MARCHF6: variants seen among roughly 807,000 people sequenced by gnomAD.
MARCHF6 encodes E3 ubiquitin-protein ligase MARCHF6.
In MARCHF6, 31 loss-of-function variants were observed where a neutral mutation model predicts 133.7. The ratio of observed to expected loss-of-function variants is 0.23; its 90% CI spans 0.17 to 0.31. The LOEUF (loss-of-function observed/expected upper bound fraction) is 0.31. Among genes scored for constraint, MARCHF6 ranks in the 10% least tolerant of loss-of-function variants. The pLI is 1.00. For synonymous variants in MARCHF6, 395 were observed against 402.5 expected, an observed-to-expected ratio of 0.98 and a Z score of 0.22; for missense variants, 723 against 1,121.6, an observed-to-expected ratio of 0.64 and a Z score of 5.08.
rs142880372 is a variant in MARCHF6 at position 10,424,175 on chromosome 5, A to G, written c.2373+351A>G. On this transcript the variant is annotated intron_variant, in intron 23 of 25. Transcript: ENST00000274140. The stretch of plus-strand genomic sequence containing the variant: ...GGCTTTGAATTCCAACGAATCTTCA[A>G]CAAAGAATAATAAATTTTTAGAGAA... Among the ~76,000 whole-genome samples the G allele has an allele frequency of 5.4e-4, 83 of 152,330 alleles. 1 individual carries two copies. The highest frequency in any genetic ancestry group is 2.0e-3 in the African/African-American group (82 of 41,564).
In MARCHF6 at chr5:10,403,445, C is replaced by A. The variant is rs773649481; in HGVS notation, c.1236C>A (p.Ser412Arg). 3 of 1,613,938 alleles carry A rather than the reference C, an allele frequency of 1.9e-6. No homozygotes were observed. Residue 412 changes from serine (S) to arginine (R), a missense_variant, in exon 15 of 26, where the codon AGC becomes AGA. Coordinates refer to ENST00000274140, the MANE Select transcript of MARCHF6 (RefSeq NM_005885.4). ...CTACTCTGAAAGATCGAGAACTGAG[C>A]TTTCAGTCGGCTCCAGGTACTACCA... is the stretch of plus-strand genomic sequence containing the variant. Reference protein sequence around the residue: ...FDATLKDRELSFQSAPGTTMF... With the variant: ...FDATLKDRELRFQSAPGTTMF...
At chr5:10,418,348 C>G (rs1006484946) in intron 22 of MARCHF6, among the ~76,000 whole-genome samples, 7 of 150,586 alleles carry the variant, frequency 4.6e-5, no homozygotes, top group African/African-American at 7.4e-5. Context: ...CTACTGCACT[C>G]CAGCCCGGGC....
chr5:10,391,443 T>TTG, intron 6 of MARCHF6, 99 bp from the exon 7 acceptor site: 1 of 476,768 alleles, frequency 2.1e-6, no homozygotes, highest in East Asian at 4.8e-5. Context: ...TAGGTTTTTT[T>TTG]TTTTTTTTTT....
chr5:10,353,863 C>T lies in MARCHF6; in HGVS notation c.-36C>T, dbSNP rs1218938606. 1.3e-6 allele frequency: 2 copies of T among 1,556,256 alleles called. No individual in the cohort carries two copies. Among genetic ancestry groups the T allele is most frequent in the Non-Finnish European group, 1.7e-6 (2 of 1,154,866 alleles). On this transcript the variant is annotated 5_prime_UTR_variant, in exon 1 of 26. Transcript: ENST00000274140. Reference sequence around the variant, plus strand: ...CTCTTTCCCCGCCCGGCCGCGGGAGCCTCGTGGCTGCGTCACCGCCGCCCC... The same window carrying T: ...CTCTTTCCCCGCCCGGCCGCGGGAGTCTCGTGGCTGCGTCACCGCCGCCCC...
rs1738609464 is a variant in MARCHF6 at position 10,402,559 on chromosome 5, T to C, written c.1149T>C (p.Ile383=). 1 of 1,613,904 alleles carries C rather than the reference T, an allele frequency of 6.2e-7. No individual in the cohort carries two copies. The highest frequency in any genetic ancestry group is 1.3e-5 in the African/African-American group (1 of 74,934). Residue 383 remains isoleucine (I), a synonymous_variant, in exon 14 of 26, where the codon ATT becomes ATC. Coordinates refer to ENST00000274140, the MANE Select transcript of MARCHF6 (RefSeq NM_005885.4). The stretch of plus-strand genomic sequence containing the variant: ...TCTCTTTGTTAGTGGTGGTAGAAAT[T>C]GGAGTATTCCCTCTCATTTGTGGTT... ...VKVSLLVVVE[I]GVFPLICGWW... is the part of the protein sequence containing the mutation.
In MARCHF6 at chr5:10,361,159, T is replaced by C. The variant is rs111568387; in HGVS notation, c.19+7242T>C. Among the ~76,000 whole-genome samples, 1,066 of 152,186 alleles carry C rather than the reference T, an allele frequency of 7.0e-3. 5 individuals carry two copies. The highest frequency in any genetic ancestry group is 0.012 in the Admixed American group (185 of 15,288). On this transcript the variant is annotated intron_variant, in intron 1 of 25. Transcript: ENST00000274140. ...AATGGAAAGAATGGAAAAGAAGAAATAGACCAAGGTAGAATTAATAGAACA... is the reference window on the plus strand; with the variant it reads ...AATGGAAAGAATGGAAAAGAAGAAACAGACCAAGGTAGAATTAATAGAACA...
chr5:10,367,239 G>A (rs1219215589), intron 1 of MARCHF6, among the ~76,000 whole-genome samples: 5 of 152,164 alleles, frequency 3.3e-5, no homozygotes, highest in Non-Finnish European at 5.9e-5. Context: ...ACAGAAAAGG[G>A]ACGTTAGGTA....
chr5:10,377,701 C>G, intron 1 of MARCHF6, 97 bp from the exon 2 acceptor site: 1 of 712,582 alleles, frequency 1.4e-6, no homozygotes, highest in African/African-American at 1.8e-5. Flanking sequence ...GTGATAGATT[C>G]TTGCTTTAAT....
At chr5:10,392,714 ACT>A (rs1041226669) in intron 7 of MARCHF6, among the ~76,000 whole-genome samples, 1 of 151,616 alleles carries the variant, frequency 6.6e-6, no homozygotes, top group Admixed American at 6.6e-5. Flanking sequence ...AGATCATGCC[ACT>A]GCACTCCAGC....
At chr5:10,382,031 G>T in intron 4 of MARCHF6, 88 bp downstream of exon 4, 1 of 1,291,416 alleles carries the variant, frequency 7.7e-7, no homozygotes, top group South Asian at 1.3e-5. Flanking sequence ...ATTATTATTT[G>T]ACTGATGTTT....
Position 10,390,348 on chromosome 5 carries a change from G to C in MARCHF6, c.424G>C (p.Asp142His). Residue 142 changes from aspartate to histidine, a missense_variant, in exon 6 of 26, where the codon GAT becomes CAT. By Grantham distance (81) the Asp-to-His change is moderately conservative. Transcript: ENST00000274140. ...DMLSTENLLA[D>H]CLQGCFVVTC... The stretch of plus-strand genomic sequence containing the variant: ...TTTTAATAGGGAAAATTTGTTGGCA[G>C]ATTGTTTGCAGGGTTGTTTTGTGGT... The C allele has an allele frequency of 7.4e-6, 12 of 1,611,854 alleles. No homozygotes were observed. Among genetic ancestry groups the C allele is most frequent in the Non-Finnish European group, 1.0e-5 (12 of 1,179,336 alleles).
At chr5:10,390,600 C>T (rs1330096974) in intron 6 of MARCHF6, 100 bp downstream of exon 6, 10 of 1,151,148 alleles carry the variant, frequency 8.7e-6, no homozygotes, top group Middle Eastern at 2.4e-4. Flanking sequence ...CCCTCATAAA[C>T]ATTCTTTTGT....
At chr5:10,426,822 G>A (rs548484690) in intron 24 of MARCHF6, among the ~76,000 whole-genome samples, 2 of 152,268 alleles carry the variant, frequency 1.3e-5, no homozygotes, top group African/African-American at 4.8e-5. Context: ...CTGACTAGAA[G>A]TGCTGTGATC....
At chr5:10,422,922 T>C (rs1178437046) in intron 22 of MARCHF6, among the ~76,000 whole-genome samples, 1 of 151,946 alleles carries the variant, frequency 6.6e-6, no homozygotes, top group Non-Finnish European at 1.5e-5. Context: ...TTTAAGGTAG[T>C]GATCACAGAG....
intron 24 of MARCHF6, 117 bp downstream of exon 24, chr5:10,426,639 C>A: frequency 9.0e-7 from 1 of 1,111,184 alleles, no homozygotes; most frequent in Non-Finnish European, 1.3e-6. Context: ...AATGTGAATC[C>A]AGCTAAGACA....
At position 10,389,708 on chromosome 5, in the gene MARCHF6, C is replaced by T. The variant is rs144178049; in HGVS notation, c.408-624C>T. Among the ~76,000 whole-genome samples the T allele has an allele frequency of 2.3e-4, 35 of 152,312 alleles. No homozygotes were observed. In the East Asian group the frequency reaches 2.9e-3, roughly 13 times the overall value. On this transcript the variant is annotated intron_variant, in intron 5 of 25. Transcript: ENST00000274140. ...TGAGCTACTGCACCTGGCCAAGTGA[C>T]AAACTTCTATAAAATTTATAATAGA...
Position 10,390,368 on chromosome 5 carries a change from T to A in MARCHF6, c.444T>A (p.Phe148Leu). Residue 148 changes from phenylalanine to leucine, a missense_variant, in exon 6 of 26, where the codon TTT becomes TTA. By Grantham distance (22) the Phe-to-Leu change is conservative. This residue lies in a region of MARCHF6 where 91 missense variants were observed against 208.8 expected (regional missense o/e 0.44). Transcript: ENST00000274140. ...NLLADCLQGC[F>L]VVTCTLCAFI... ...TGGCAGATTGTTTGCAGGGTTGTTT[T>A]GTGGTGACGTGCACACTGTGTGCAT... 1 of 1,613,838 alleles carries A rather than the reference T, an allele frequency of 6.2e-7. No individual in the cohort carries two copies. The highest frequency in any genetic ancestry group is 8.5e-7 in the Non-Finnish European group (1 of 1,179,912).
At chr5:10,429,810 T>C in intron 24 of MARCHF6, 83 bp from the exon 25 acceptor site, 1 of 1,183,506 alleles carries the variant, frequency 8.4e-7, no homozygotes, top group Non-Finnish European at 1.2e-6. Context: ...CCCCAGTCCA[T>C]TCTTCTAGGG....
At chr5:10,420,277 G>T (rs1343550712) in intron 22 of MARCHF6, among the ~76,000 whole-genome samples, 1 of 152,210 alleles carries the variant, frequency 6.6e-6, no homozygotes, top group Non-Finnish European at 1.5e-5. Context: ...AGTAACAAAT[G>T]TTGGCTAAGA....
Sources: gnomAD v4.1 joint callset for allele counts (sites outside exome capture counted in the v4.1 genomes callset) on GRCh38, gnomAD v4.1.1 for gene constraint, gnomAD v4.1.1 regional missense constraint, MANE v1.5 for transcripts, NCBI Gene and HGNC (gene_info 2026-07-23, HGNC 2026-07-21) for gene names.